Variants in SYTL2 observed in about 807,000 individuals in gnomAD.
SYTL2 encodes the protein synaptotagmin-like protein 2.
Under a neutral mutation model 198.7 loss-of-function variants are expected in SYTL2, and 165 were observed. That is an observed-to-expected ratio of 0.83 (90% CI 0.73 to 0.94). SYTL2 has a LOEUF of 0.94. Among genes scored for constraint, SYTL2 ranks in the 40% least tolerant of loss-of-function variants. SYTL2 has a pLI of 0.00. For synonymous variants in SYTL2, 966 were observed against 917.7 expected (o/e 1.05, Z -0.95); for missense variants, 2,835 against 2,582.8 (o/e 1.10, Z -2.12).
chr11:85,836,502 A>G, the SYTL2 span, among the ~76,000 whole-genome samples: 1 of 152,000 alleles, frequency 6.6e-6, no homozygotes, highest in South Asian at 2.1e-4. Context: ...TAATAATAAT[A>G]ATATATTAAG....
At chr11:85,824,420 TG>T in the SYTL2 span, among the ~76,000 whole-genome samples, 1 of 152,182 alleles carries the variant, frequency 6.6e-6, no homozygotes, top group Non-Finnish European at 1.5e-5. Context: ...ATCAGCTTTA[TG>T]ATCATCTTCC....
the SYTL2 span, among the ~76,000 whole-genome samples, chr11:85,848,269 GA>G: frequency 9.2e-4 from 114 of 124,174 alleles, no homozygotes; most frequent in Middle Eastern, 0.012. Flanking sequence ...AAAGAAAAAA[GA>G]AAAAAAAAAA....
chr11:85,767,274 GAGA>G (rs2092261952), intron 1 of SYTL2, among the ~76,000 whole-genome samples: 1 of 152,210 alleles, frequency 6.6e-6, no homozygotes, highest in South Asian at 2.1e-4. Flanking sequence ...AGGACATGCA[GAGA>G]AGATCTCCTT....
intron 15 of SYTL2, among the ~76,000 whole-genome samples, chr11:85,705,439 G>A (rs958835737): frequency 2.6e-5 from 4 of 152,092 alleles, no homozygotes; most frequent in African/African-American, 9.7e-5. Flanking sequence ...TTTTAGAGCA[G>A]TTTTCGGTTT....
intron 1 of SYTL2, among the ~76,000 whole-genome samples, chr11:85,789,324 A>C (rs1464343295): frequency 1.3e-5 from 1 of 77,288 alleles, no homozygotes; most frequent in Admixed American, 1.6e-4. Flanking sequence ...GTGTGTGTGT[A>C]TGTGTGTGTG....
intron 12 of SYTL2, among the ~76,000 whole-genome samples, chr11:85,712,291 T>C (rs1305022228): frequency 6.6e-6 from 1 of 152,200 alleles, no homozygotes; most frequent in Non-Finnish European, 1.5e-5. Context: ...GTCTCTGTTG[T>C]CACACTCTCT....
At chr11:85,853,451 GC>G in the SYTL2 span, 1 of 381,684 alleles carries the variant, frequency 2.6e-6, no homozygotes, top group East Asian at 9.4e-5. Context: ...TTAAACAGAT[GC>G]TTGAAGGCAG....
At position 85,709,435 on chromosome 11, in the gene SYTL2, A is replaced by C; in HGVS notation, c.5811T>G (p.Ile1937Met). 6.2e-7 allele frequency: 1 copy of C among 1,614,116 alleles called. No individual in the cohort carries two copies. Among genetic ancestry groups the C allele is most frequent in the Non-Finnish European group, 8.5e-7 (1 of 1,180,002 alleles). The change falls in exon 14 of 20, where the codon ATT becomes ATG. Residue 1937 changes from isoleucine (I) to methionine (M), a missense_variant. Coordinates refer to ENST00000359152, the MANE Select transcript of SYTL2 (RefSeq NM_206927.4). The part of the protein sequence containing the change: ...DFGNLEVKGN[I>M]QFAIEYVESL... The stretch of plus-strand genomic sequence containing the variant: ...ACTCCACATATTCAATTGCAAACTG[A>C]ATATTTCCTTTAACTTCCAGATTGC...
At chr11:85,805,154 C>T (rs949955081) in intron 1 of SYTL2, among the ~76,000 whole-genome samples, 5 of 152,010 alleles carry the variant, frequency 3.3e-5, no homozygotes, top group Non-Finnish European at 7.4e-5. Flanking sequence ...AAACCCTGAA[C>T]GTGTCCCAAA....
At chr11:85,749,525 T>C (rs2091384756) in intron 2 of SYTL2, among the ~76,000 whole-genome samples, 1 of 152,144 alleles carries the variant, frequency 6.6e-6, no homozygotes, top group Admixed American at 6.6e-5. Context: ...GGAGCAGTTA[T>C]CCCAGGTCTA....
At chr11:85,700,627 C>T in intron 16 of SYTL2, 34 bp from the exon 17 acceptor site, 2 of 1,523,762 alleles carry the variant, frequency 1.3e-6, no homozygotes, top group Non-Finnish European at 1.8e-6. Flanking sequence ...AGGTGGGAGA[C>T]AAACTTTTCA....
intron 15 of SYTL2, among the ~76,000 whole-genome samples, chr11:85,706,981 C>A (rs1378533595): frequency 6.6e-6 from 1 of 152,134 alleles, no homozygotes; most frequent in East Asian, 1.9e-4. Context: ...GCTGGGATTA[C>A]AGGTGCCTGC....
intron 2 of SYTL2, among the ~76,000 whole-genome samples, chr11:85,752,802 T>C (rs930823106): frequency 4.0e-5 from 6 of 151,614 alleles, no homozygotes; most frequent in South Asian, 2.1e-4. Context: ...GGAAAATCTA[T>C]GTGAAGATCC....
intron 12 of SYTL2, among the ~76,000 whole-genome samples, chr11:85,713,183 G>A (rs140101442): frequency 6.6e-6 from 1 of 152,300 alleles, no homozygotes; most frequent in African/African-American, 2.4e-5. Context: ...AAAGGCCCAA[G>A]AATGGACAAA....
chr11:85,841,893 A>G, the SYTL2 span, among the ~76,000 whole-genome samples: 1 of 152,268 alleles, frequency 6.6e-6, no homozygotes, highest in African/African-American at 2.4e-5. Flanking sequence ...AGGTTTTATT[A>G]CACAGGTGTA....
intron 1 of SYTL2, among the ~76,000 whole-genome samples, chr11:85,775,567 C>G (rs1015271825): frequency 6.6e-6 from 1 of 152,168 alleles, no homozygotes; most frequent in Non-Finnish European, 1.5e-5. Context: ...ACTCCAGCCT[C>G]CACCTCCTGG....
intron 7 of SYTL2, among the ~76,000 whole-genome samples, chr11:85,732,287 G>A (rs2089900528): frequency 6.6e-6 from 1 of 152,144 alleles, no homozygotes; most frequent in African/African-American, 2.4e-5. Flanking sequence ...AAAGACACAT[G>A]CACACGTGTG....
chr11:85,750,032 C>G (rs1290108483), intron 2 of SYTL2, among the ~76,000 whole-genome samples: 1 of 152,174 alleles, frequency 6.6e-6, no homozygotes, highest in African/African-American at 2.4e-5. Flanking sequence ...GCCCATACCC[C>G]ACTTGCCAGC....
intron 1 of SYTL2, among the ~76,000 whole-genome samples, chr11:85,790,399 CA>C: frequency 6.6e-6 from 1 of 152,308 alleles, no homozygotes; most frequent in East Asian, 1.9e-4. Flanking sequence ...TGAATTTTAA[CA>C]AGTCACTTAA....
Sources: gnomAD v4.1 joint callset for allele counts (sites outside exome capture counted in the v4.1 genomes callset) on GRCh38, gnomAD v4.1.1 for gene constraint, MANE v1.5 for transcripts, NCBI Gene and HGNC (gene_info 2026-07-23, HGNC 2026-07-21) for gene names.